Variants in SHTN1 observed in about 807,000 individuals in gnomAD.
SHTN1 encodes shootin-1.
SHTN1 carries 42 observed loss-of-function variants against 83.1 expected under a neutral mutation model. The observed-to-expected ratio is 0.51, with a 90% CI of 0.39 to 0.65. The LOEUF is 0.65. SHTN1 is among the 30% of genes least tolerant of loss of function. SHTN1 has a pLI of 0.00. For missense variants in SHTN1, 622 were observed against 737.8 expected (o/e 0.84, Z 1.82); for synonymous variants, 224 against 247.7 (o/e 0.90, Z 0.90).
intron 16 of SHTN1, among the ~76,000 whole-genome samples, chr10:116,892,174 G>A (rs148297495): frequency 4.1e-4 from 63 of 152,168 alleles, no homozygotes; most frequent in African/African-American, 1.4e-3. Context: ...CTTACCTCCC[G>A]GACCACAATG....
intron 8 of SHTN1, among the ~76,000 whole-genome samples, chr10:116,942,458 C>T (rs1017155218): frequency 2.6e-5 from 4 of 152,030 alleles, no homozygotes; most frequent in Non-Finnish European, 4.4e-5. Context: ...ATTGATCCCC[C>T]CGCCTCGGCC....
chr10:117,008,144 T>G (rs1002797525), upstream of SHTN1, among the ~76,000 whole-genome samples: 6 of 151,930 alleles, frequency 3.9e-5, no homozygotes, highest in Non-Finnish European at 7.4e-5. Context: ...TACATAGAGA[T>G]AAAGGACAGA....
chr10:117,019,459 C>T (rs1027003036), intron 2 of SHTN1, among the ~76,000 whole-genome samples: 1 of 152,012 alleles, frequency 6.6e-6, no homozygotes, highest in East Asian at 1.9e-4. Flanking sequence ...GCTGGGATTA[C>T]AGGCATGAGC....
intron 2 of SHTN1, among the ~76,000 whole-genome samples, chr10:117,041,101 C>T (rs534778538): frequency 2.6e-5 from 4 of 152,004 alleles, no homozygotes; most frequent in East Asian, 3.9e-4. Context: ...CTCCCACCCC[C>T]GCCACCCCAC....
At chr10:116,941,821 T>C (rs1849382622) in intron 8 of SHTN1, among the ~76,000 whole-genome samples, 1 of 152,194 alleles carries the variant, frequency 6.6e-6, no homozygotes, top group Admixed American at 6.5e-5. Context: ...ATGAATACAG[T>C]ATACTAAAAC....
chr10:117,086,621 G>A (rs1184343433), intron 1 of SHTN1, among the ~76,000 whole-genome samples: 2 of 152,258 alleles, frequency 1.3e-5, no homozygotes, highest in Admixed American at 6.5e-5. Context: ...TGGCAAAAAT[G>A]TGGAGAAACT....
At chr10:117,084,435 C>T (rs1853316783) in intron 1 of SHTN1, among the ~76,000 whole-genome samples, 2 of 152,214 alleles carry the variant, frequency 1.3e-5, no homozygotes, top group African/African-American at 4.8e-5. Context: ...CCACTGCTCT[C>T]TTCAAAGCTG....
chr10:117,084,645 G>A (rs976943685), intron 1 of SHTN1, among the ~76,000 whole-genome samples: 6 of 151,780 alleles, frequency 4.0e-5, no homozygotes, highest in Admixed American at 2.0e-4. Context: ...CCTCGCTGCC[G>A]CCTTGCAGTT....
intron 2 of SHTN1, among the ~76,000 whole-genome samples, chr10:117,045,744 A>G (rs1449155418): frequency 6.6e-6 from 1 of 152,234 alleles, no homozygotes; most frequent in African/African-American, 2.4e-5. Context: ...CTAAAAGACA[A>G]TAAAACATGC....
At chr10:116,888,013 C>T (rs1847218635) in intron 16 of SHTN1, among the ~76,000 whole-genome samples, 1 of 152,212 alleles carries the variant, frequency 6.6e-6, no homozygotes, top group Non-Finnish European at 1.5e-5. Flanking sequence ...ACTGTAAGAT[C>T]TGTCCAAATG....
rs781083608 is a variant in SHTN1, at chr10:117,099,189, C to T, written c.-189+27118G>A. Among the ~76,000 whole-genome samples the T allele has an allele frequency of 3.8e-4, 58 of 151,880 alleles. 2 individuals carry two copies. Among genetic ancestry groups the T allele is most frequent in the Non-Finnish European group, 7.1e-4 (48 of 67,970 alleles). On this transcript the variant is annotated intron_variant, in intron 1 of 17. Transcript: ENST00000392901. Reference sequence around the variant, plus strand: ...GAGCTAAGCTATTAATATGAGGACGCAAAAACATGCAGAGTGATATAATGA... The same window carrying T: ...GAGCTAAGCTATTAATATGAGGACGTAAAAACATGCAGAGTGATATAATGA...
In SHTN1 at chr10:117,011,549, A is replaced by T. The variant is rs541032740; in HGVS notation, c.-122-32241T>A. ...GAATTTCTTTAAATGCTTCTAAAAC[A>T]AATACTTGAGTTTAGTGAGGTTACA... is the stretch of plus-strand genomic sequence containing the variant. On this transcript the variant is annotated intron_variant, in intron 2 of 17. Transcript: ENST00000392901. 7.4e-4 allele frequency among the ~76,000 whole-genome samples: 112 copies of T among 152,336 alleles called. 2 individuals carry two copies. In the South Asian group the frequency reaches 0.022, roughly 30 times the overall value.
intron 1 of SHTN1, among the ~76,000 whole-genome samples, chr10:116,985,808 A>G (rs1473486962): frequency 3.3e-5 from 5 of 152,346 alleles, no homozygotes; most frequent in Non-Finnish European, 2.9e-5. Flanking sequence ...CATGAGTCAC[A>G]AAAGATAGTG....
chr10:116,934,486 G>A (rs1213244669), intron 9 of SHTN1, among the ~76,000 whole-genome samples: 1 of 152,128 alleles, frequency 6.6e-6, no homozygotes, highest in Non-Finnish European at 1.5e-5. Context: ...GTAGATGTGT[G>A]GCATTATTTC....
chr10:116,995,370 A>G (rs1851592220), intron 1 of SHTN1, among the ~76,000 whole-genome samples: 1 of 152,198 alleles, frequency 6.6e-6, no homozygotes, highest in Non-Finnish European at 1.5e-5. Flanking sequence ...GAGCAAAATT[A>G]AGAATTAATT....
intron 2 of SHTN1, among the ~76,000 whole-genome samples, chr10:117,012,760 A>G (rs1054428399): frequency 3.3e-5 from 5 of 152,246 alleles, no homozygotes; most frequent in Non-Finnish European, 7.3e-5. Context: ...ATTTTATGAA[A>G]GATAAAAGAA....
At chr10:117,039,858 AAAAAAAAG>A (rs1345106665) in intron 2 of SHTN1, among the ~76,000 whole-genome samples, 1 of 151,910 alleles carries the variant, frequency 6.6e-6, no homozygotes, top group African/African-American at 2.4e-5. Flanking sequence ...ATCAAAAAAA[AAAAAAAAG>A]AAAGAAAGAA....
chr10:116,927,667 C>T, intron 11 of SHTN1, 125 bp downstream of exon 11: 1 of 1,325,568 alleles, frequency 7.5e-7, no homozygotes, highest in East Asian at 2.7e-5. Flanking sequence ...TATCACTGGC[C>T]TTTAGAAAAA....
chr10:116,932,774 A>G lies in SHTN1; in HGVS notation c.859-2772T>C, dbSNP rs534745824. Among the ~76,000 whole-genome samples, 112 of 152,340 alleles carry G rather than the reference A, an allele frequency of 7.4e-4. 2 individuals carry two copies. In the South Asian group the frequency reaches 0.022, roughly 30 times the overall value. On this transcript the variant is annotated intron_variant, in intron 9 of 16. Coordinates refer to ENST00000355371, the MANE Select transcript of SHTN1 (RefSeq NM_001127211.3). ...GACTGTAAGAATAACTGTATATACA[A>G]AGAGTATAACAGTTTTAGAAGTAGT...
Sources: allele counts gnomAD v4.1 joint callset (sites outside exome capture counted in the v4.1 genomes callset), GRCh38; gene constraint gnomAD v4.1.1; transcripts MANE v1.5; gene names NCBI Gene and HGNC (gene_info 2026-07-23, HGNC 2026-07-21).